Variants in ADGRL1 observed in about 807,000 individuals in gnomAD.
ADGRL1 encodes adhesion G protein-coupled receptor L1.
Under a neutral mutation model 148.9 loss-of-function variants are expected in ADGRL1, and 31 were observed. That is an observed-to-expected ratio of 0.21 (90% CI 0.16 to 0.28). ADGRL1 has a LOEUF of 0.28. Ranked by LOEUF, ADGRL1 falls within the 10% of genes least tolerant of loss-of-function variation. The probability of loss-of-function intolerance (pLI) is 1.00; values close to 1 mark genes in which losing one functional copy is unlikely to be tolerated. For missense variants in ADGRL1, 1,521 were observed against 2,058.8 expected (o/e 0.74, Z 5.05); for synonymous variants, 937 against 900.3 (o/e 1.04, Z -0.73).
At chr19:14,177,115 C>T (rs1161417818) in intron 3 of ADGRL1, among the ~76,000 whole-genome samples, 1 of 152,160 alleles carries the variant, frequency 6.6e-6, no homozygotes, top group Non-Finnish European at 1.5e-5. Context: ...CTATAATCCC[C>T]AGCTACTTGG....
rs762303033 is a variant in ADGRL1, at chr19:14,155,320, C to T, written c.3294+39G>A. ...CTCCTGGGTACCCAGGAAACGTCTC[C>T]AAGGGAGGCTGTGACCCAGGACCCC... is the stretch of plus-strand genomic sequence containing the variant. On this transcript the variant is annotated intron_variant, in intron 18 of 22. Coordinates refer to ENST00000361434, the MANE Select transcript of ADGRL1 (RefSeq NM_014921.5). The surrounding 1 kb of genome is among the most constrained non-coding windows in gnomAD (Gnocchi z 5.0). 1 of 1,606,704 alleles carries T rather than the reference C, an allele frequency of 6.2e-7. No individual in the cohort carries two copies. Among genetic ancestry groups the T allele is most frequent in the South Asian group, 1.1e-5 (1 of 90,356 alleles).
chr19:14,164,585 G>A (rs1402985954), intron 4 of ADGRL1: 1 of 149,610 alleles, frequency 6.7e-6, no homozygotes, highest in African/African-American at 2.5e-5. Context: ...GCCCCAGCCA[G>A]GCCCCCCACC....
At chr19:14,191,055 C>G in intron 1 of ADGRL1, 1 of 444,882 alleles carries the variant, frequency 2.2e-6, no homozygotes, top group South Asian at 1.6e-5. Context: ...GCCACCGACT[C>G]TAGCCTGGCC....
chr19:14,172,003 G>T (rs760229759), intron 3 of ADGRL1, among the ~76,000 whole-genome samples: 1 of 152,144 alleles, frequency 6.6e-6, no homozygotes, highest in Non-Finnish European at 1.5e-5. Flanking sequence ...TCTTAACCAA[G>T]GGTACTAAAC....
chr19:14,194,481 C>A (rs542671295), intron 1 of ADGRL1, among the ~76,000 whole-genome samples: 1 of 152,234 alleles, frequency 6.6e-6, no homozygotes, highest in African/African-American at 2.4e-5. Flanking sequence ...GCTCCAAGTG[C>A]CAGCCCGAGC....
At chr19:14,167,159 T>G in intron 4 of ADGRL1, 2 of 819,406 alleles carry the variant, frequency 2.4e-6, no homozygotes, top group Non-Finnish European at 2.0e-6. Context: ...TTTCCTTTCC[T>G]TCCTCGCTCC....
At position 14,160,301 on chromosome 19, in the gene ADGRL1, C is replaced by T. The variant is rs1194626579; in HGVS notation, c.1615-4G>A. 2.5e-6 allele frequency: 4 copies of T among 1,585,608 alleles called. No homozygotes were observed. The highest frequency in any genetic ancestry group is 3.5e-6 in the Non-Finnish European group (4 of 1,158,020). Reference sequence around the variant, plus strand: ...CCGCGTTCTCCCCACTCTTGATCTGCATGAGGTGGGGGCGGGAAGGGGGAA... The same window carrying T: ...CCGCGTTCTCCCCACTCTTGATCTGTATGAGGTGGGGGCGGGAAGGGGGAA... On this transcript the variant is annotated splice_polypyrimidine_tract_variant and splice_region_variant and intron_variant, in intron 7 of 22. Coordinates refer to ENST00000361434, the MANE Select transcript of ADGRL1 (RefSeq NM_014921.5). This position sits in a 1 kb window ranked among gnomAD's most constrained non-coding sequence, Gnocchi z 5.9.
chr19:14,163,503 GA>G (rs1969653472), intron 4 of ADGRL1, 97 bp from the exon 5 acceptor site: 7 of 810,548 alleles, frequency 8.6e-6, no homozygotes, highest in African/African-American at 4.1e-5. Flanking sequence ...AGAGAGGGGG[GA>G]GAGAGGCAAG....
Position 14,159,280 on chromosome 19 carries a change from C to T in ADGRL1, c.2024-65G>A. 10 of 1,591,036 alleles carry T rather than the reference C, an allele frequency of 6.3e-6. No homozygotes were observed. Among genetic ancestry groups the T allele is most frequent in the Non-Finnish European group, 8.6e-6 (10 of 1,165,124 alleles). Reference sequence around the variant, plus strand: ...TCTGTTCCCAGTCCAGGGGCTCAGGCTGCAGAACGAGACTCTGGCAAGATG... The same window carrying T: ...TCTGTTCCCAGTCCAGGGGCTCAGGTTGCAGAACGAGACTCTGGCAAGATG... On this transcript the variant is annotated intron_variant, in intron 10 of 22. Transcript: ENST00000361434. The surrounding 1 kb of genome is among the most constrained non-coding windows in gnomAD (Gnocchi z 6.0).
intron 2 of ADGRL1, among the ~76,000 whole-genome samples, chr19:14,183,212 A>AGAGAGAGAGCGAGC (rs71172403): frequency 6.6e-6 from 1 of 151,050 alleles, no homozygotes; most frequent in South Asian, 2.1e-4. Context: ...AGAGAGAGAG[A>AGAGAGAGAGCGAGC]GAGAGCGAGA....
intron 2 of ADGRL1, among the ~76,000 whole-genome samples, chr19:14,183,285 C>T (rs1361981428): frequency 1.3e-5 from 2 of 151,716 alleles, no homozygotes; most frequent in African/African-American, 2.4e-5. Context: ...GGGGCCACAG[C>T]GGGATGGCCC....
At position 14,185,075 on chromosome 19, in the gene ADGRL1, G is replaced by A. The variant is rs115756687; in HGVS notation, c.-95-1378C>T. The stretch of plus-strand genomic sequence containing the variant: ...TGGGATTACAGGAGTGAGCCACTGT[G>A]CCCAGTCCAGGACTCGGTTCTAACT... On this transcript the variant is annotated intron_variant, in intron 1 of 22. Transcript: ENST00000361434. Among the ~76,000 whole-genome samples, 542 of 152,202 alleles carry A rather than the reference G, an allele frequency of 3.6e-3. 9 individuals are homozygous for A. The highest frequency in any genetic ancestry group is 0.012 in the African/African-American group (513 of 41,534).
Position 14,152,519 on chromosome 19 carries a change from C to A in ADGRL1, c.3518G>T (p.Arg1173Leu). ...GAGGCAGAAGGATGCCTTCTCACCT[C>A]GGTTCAGGGTGGGGGTGCTGTTGAT... ...GDINSTPTLN[R>L]GTMGNHLLTN... The change falls in exon 20 of 23, where the codon CGA becomes CTA. Residue 1173 changes from arginine to leucine, a missense_variant and splice_region_variant. Physicochemically the swap from Arg to Leu is moderately radical, Grantham distance 102 (BLOSUM62 -2). This residue lies in a region of ADGRL1 where 47 missense variants were observed against 64.6 expected (regional missense o/e 0.73). Transcript: ENST00000361434. This position sits in a 1 kb window ranked among gnomAD's most constrained non-coding sequence, Gnocchi z 6.1. 1 of 1,613,938 alleles carries A rather than the reference C, an allele frequency of 6.2e-7. No individual in the cohort carries two copies. The highest frequency in any genetic ancestry group is 1.1e-5 in the South Asian group (1 of 91,080).
intron 1 of ADGRL1, among the ~76,000 whole-genome samples, chr19:14,198,309 G>A (rs1042385873): frequency 8.5e-5 from 13 of 152,102 alleles, no homozygotes; most frequent in South Asian, 2.1e-4. Context: ...TCCTCTGGCC[G>A]CAGAGGTGGA....
At chr19:14,174,151 T>C (rs1970663840) in intron 3 of ADGRL1, among the ~76,000 whole-genome samples, 1 of 151,980 alleles carries the variant, frequency 6.6e-6, no homozygotes, top group Non-Finnish European at 1.5e-5. Flanking sequence ...GATGCTGTAC[T>C]AGGTGCTAGA....
chr19:14,172,397 G>A (rs1970534259), intron 3 of ADGRL1, among the ~76,000 whole-genome samples: 1 of 151,152 alleles, frequency 6.6e-6, no homozygotes, highest in Admixed American at 6.6e-5. Context: ...ACTCCAGCCT[G>A]GGTGACAGAG....
chr19:14,165,029 G>A (rs527796824), intron 4 of ADGRL1, among the ~76,000 whole-genome samples: 1 of 152,300 alleles, frequency 6.6e-6, no homozygotes, highest in South Asian at 2.1e-4. Flanking sequence ...GCTGGGACCT[G>A]GCACCGGCTT....
Position 14,161,556 on chromosome 19 carries a change from C to T in ADGRL1, c.1266G>A (p.Ser422=), listed in dbSNP as rs372233063. The part of the protein sequence containing the change: ...ARPTPLTSTA[S]PAATTPLRRA... The stretch of plus-strand genomic sequence containing the variant: ...GGCGGAGCGGGGTGGTGGCTGCGGG[C>T]GAGGCTGTGCTGGTGAGGGGCGTGG... Residue 422 remains serine (S), a synonymous_variant, in exon 6 of 23, where the codon TCG becomes TCA. Coordinates refer to ENST00000361434, the MANE Select transcript of ADGRL1 (RefSeq NM_014921.5). This position sits in a 1 kb window ranked among gnomAD's most constrained non-coding sequence, Gnocchi z 4.4. 2 of 1,439,896 alleles carry T rather than the reference C, an allele frequency of 1.4e-6. No homozygotes were observed. The highest frequency in any genetic ancestry group is 2.9e-5 in the Admixed American group (1 of 34,926). The allele number at this position is 1,439,896 out of a possible 1,614,324, so 89.2% of individuals were successfully genotyped here. A position where few individuals can be genotyped will look rare whatever the true frequency, so the allele number is the denominator to read the frequency against.
intron 1 of ADGRL1, among the ~76,000 whole-genome samples, chr19:14,190,352 G>C (rs1182968239): frequency 6.6e-6 from 1 of 152,156 alleles, no homozygotes. Flanking sequence ...CTGTAGCCTC[G>C]AACTCCTGGG....
Sources: allele counts gnomAD v4.1 joint callset (sites outside exome capture counted in the v4.1 genomes callset), GRCh38; gene constraint gnomAD v4.1.1; regional missense constraint gnomAD v4.1.1; non-coding constraint Gnocchi (gnomAD v3.1); transcripts MANE v1.5; gene names NCBI Gene and HGNC (gene_info 2026-07-23, HGNC 2026-07-21).